The following ZNF717 variants were observed in gnomAD, a reference collection of about 807,000 sequenced individuals.
ZNF717 encodes the protein zinc finger protein 717, also known as krueppel-like factor X17.
A neutral mutation model predicts 13.8 loss-of-function variants in ZNF717; 9 were observed. That is an observed-to-expected ratio of 0.65 (90% confidence interval 0.39 to 1.14). The LOEUF is 1.14. ZNF717 is among the 50% of genes most tolerant of loss of function. The probability of loss-of-function intolerance (pLI) is 0.01; values close to 1 mark genes in which losing one functional copy is unlikely to be tolerated. For missense variants in ZNF717, 1,040 were observed against 1,080.7 expected (o/e 0.96, Z 0.53); for synonymous variants, 327 against 364.1 (o/e 0.90, Z 1.16).
chr3:75,735,690 A>G (rs1939098205), downstream of ZNF717, among the ~76,000 whole-genome samples: 1 of 151,424 alleles, frequency 6.6e-6, no homozygotes, highest in Admixed American at 6.6e-5. Flanking sequence ...GTATAAAATC[A>G]TCAACTCCAT....
At chr3:75,722,714 G>A (rs2918483) in intron 4 of ZNF717, among the ~76,000 whole-genome samples, 125,189 of 150,278 alleles carry the variant, frequency 0.83, 52,076 homozygotes, top group East Asian at 0.89. Context: ...TTTGGGAGGC[G>A]GAGGCAGGAG....
rs1406326630 is a variant in ZNF717, at chr3:75,751,740, A to C, written c.58-10004T>G. ...TCCAGAACACTGCTGTTGGGTTCTG[A>C]GTGTTTGTCCCTCACATAGGATTCC... is the stretch of plus-strand genomic sequence containing the variant. On this transcript the variant is annotated intron_variant, in intron 2 of 4. Transcript: ENST00000652011. Among the ~76,000 whole-genome samples the C allele has an allele frequency of 4.6e-5, 7 of 150,992 alleles. 1 individual carries two copies. The highest frequency in any genetic ancestry group is 1.7e-4 in the African/African-American group (7 of 40,890).
In ZNF717 at chr3:75,771,165, C is replaced by T. The variant is rs548407337; in HGVS notation, c.57+12141G>A. On this transcript the variant is annotated intron_variant, in intron 2 of 4. Coordinates refer to ENST00000652011, the MANE Select transcript of ZNF717 (RefSeq NM_001290208.3). ...AACAGCCAAACTTCTGCCACTCACA[C>T]ACTGCTGAGTGTTCAGCTGTGTTCA... Among the ~76,000 whole-genome samples the T allele has an allele frequency of 3.2e-3, 484 of 152,340 alleles. 6 individuals carry two copies. Among genetic ancestry groups the T allele is most frequent in the Non-Finnish European group, 4.9e-3 (332 of 68,040 alleles).
downstream of ZNF717, among the ~76,000 whole-genome samples, chr3:75,725,044 T>C (rs1191372795): frequency 3.3e-5 from 5 of 152,282 alleles, no homozygotes; most frequent in Admixed American, 2.0e-4. Context: ...TTTTCCATCA[T>C]GTTCCCATCA....
chr3:75,698,279 T>C (rs572571905), intron 6 of ZNF717, among the ~76,000 whole-genome samples: 46 of 151,932 alleles, frequency 3.0e-4, no homozygotes, highest in African/African-American at 1.0e-3. Context: ...AAGCAGGCTA[T>C]GGAGCAACTA....
At chr3:75,724,859 T>A (rs1938245332) in intron 4 of ZNF717, among the ~76,000 whole-genome samples, 1 of 152,272 alleles carries the variant, frequency 6.6e-6, no homozygotes, top group Non-Finnish European at 1.5e-5. Flanking sequence ...ATTATTTTCA[T>A]GGAGCACTCT....
chr3:75,745,152 TGTTG>T (rs1173355715), intron 2 of ZNF717, among the ~76,000 whole-genome samples: 1 of 80,708 alleles, frequency 1.2e-5, no homozygotes, highest in Non-Finnish European at 2.9e-5. Flanking sequence ...TGCTGTGGTC[TGTTG>T]TTTTTTTTTT....
chr3:75,762,096 AAAAAAGAAAAGAAAG>A (rs1943080488), intron 2 of ZNF717, among the ~76,000 whole-genome samples: 2 of 40,548 alleles, frequency 4.9e-5, no homozygotes, highest in Admixed American at 2.9e-4. Context: ...AAAGAAAAGA[AAAAAAGAAAAGAAAG>A]AAAAAGAAAA....
intron 2 of ZNF717, among the ~76,000 whole-genome samples, chr3:75,757,763 T>G (rs1019846359): frequency 3.3e-5 from 5 of 152,106 alleles, no homozygotes; most frequent in African/African-American, 1.2e-4. Flanking sequence ...GGATTCACCA[T>G]TCTAGATGCC....
At chr3:75,718,996 T>C (rs1445394188) in intron 4 of ZNF717, among the ~76,000 whole-genome samples, 4 of 152,018 alleles carry the variant, frequency 2.6e-5, no homozygotes, top group African/African-American at 9.7e-5. Context: ...CATTTACAAA[T>C]AGAAAAGAAT....
At chr3:75,746,357 T>C (rs1941172701) in intron 2 of ZNF717, among the ~76,000 whole-genome samples, 1 of 152,246 alleles carries the variant, frequency 6.6e-6, no homozygotes, top group Admixed American at 6.5e-5. Flanking sequence ...TGTATGTGTC[T>C]TTATAGTAGC....
intron 6 of ZNF717, among the ~76,000 whole-genome samples, chr3:75,702,277 C>T (rs28879094): frequency 0.028 from 4,089 of 147,550 alleles, no homozygotes; most frequent in African/African-American, 0.1. Context: ...CAATGGAATA[C>T]TATTCAGCTA....
At chr3:75,745,022 T>C (rs2218078) in intron 2 of ZNF717, among the ~76,000 whole-genome samples, 127,750 of 150,376 alleles carry the variant, frequency 0.85, 53,657 homozygotes, top group East Asian at 0.89. Flanking sequence ...CCGGGGTCTG[T>C]GTGTTTGTCC....
intron 2 of ZNF717, among the ~76,000 whole-genome samples, chr3:75,767,053 C>T (rs62268119): frequency 0.15 from 23,038 of 150,584 alleles, 600 homozygotes; most frequent in African/African-American, 0.16. Context: ...ATTTGGCCAA[C>T]AGAAGGTGAC....
At chr3:75,706,777 AG>A (rs1213445883), downstream of ZNF717, among the ~76,000 whole-genome samples, 8 of 152,196 alleles carry the variant, frequency 5.3e-5, no homozygotes, top group African/African-American at 1.9e-4. Flanking sequence ...AGTGGCAGAT[AG>A]GAGTATTAAC....
intron 2 of ZNF717, among the ~76,000 whole-genome samples, chr3:75,756,771 T>C (rs1224026036): frequency 4.6e-5 from 7 of 152,278 alleles, no homozygotes; most frequent in Middle Eastern, 3.4e-3. Flanking sequence ...GCCTCCCAAG[T>C]TCAAGCCATT....
rs1397835257 is a variant in ZNF717, at chr3:75,765,033, A to G, written c.57+18273T>C. 9.8e-3 allele frequency among the ~76,000 whole-genome samples: 576 copies of G among 58,932 alleles called. 12 individuals are homozygous for G. The highest frequency in any genetic ancestry group is 0.047 in the African/African-American group (484 of 10,240). 38.7% of individuals were successfully genotyped at this position (58,932 alleles called of 152,430 possible). On this transcript the variant is annotated intron_variant, in intron 2 of 4. Transcript: ENST00000652011. ...TATATATATATATATATATATATGT[A>G]TATGTGTGTGTGTGTGTGTGTGTGT...
downstream of ZNF717, among the ~76,000 whole-genome samples, chr3:75,705,520 C>T (rs1315165795): frequency 6.6e-6 from 1 of 152,310 alleles, no homozygotes; most frequent in South Asian, 2.1e-4. Flanking sequence ...AGAACCCAGT[C>T]AGACTCCTTC....
chr3:75,749,146 G>A (rs1213497177), intron 2 of ZNF717, among the ~76,000 whole-genome samples: 28 of 151,276 alleles, frequency 1.9e-4, no homozygotes, highest in Middle Eastern at 3.4e-3. Flanking sequence ...ACTGCTACGA[G>A]GGTCTGAATG....
Sources: gnomAD v4.1 joint callset for allele counts (sites outside exome capture counted in the v4.1 genomes callset) on GRCh38, gnomAD v4.1.1 for gene constraint, MANE v1.5 for transcripts, NCBI Gene and HGNC (gene_info 2026-07-23, HGNC 2026-07-21) for gene names.